Variants in SHANK1 observed in about 807,000 individuals in gnomAD.
The protein encoded by SHANK1 is SH3 and multiple ankyrin repeat domains 1.
In SHANK1, 35 loss-of-function variants were observed where a neutral mutation model predicts 165.6. The ratio of observed to expected loss-of-function variants is 0.21; its 90% CI spans 0.16 to 0.28. SHANK1 has a LOEUF of 0.28. SHANK1 is among the 10% of genes least tolerant of loss of function. The pLI, the probability that SHANK1 is intolerant of heterozygous loss-of-function variation, is 1.00. For synonymous variants in SHANK1, 1,428 were observed against 1,384.8 expected (o/e 1.03, Z -0.69); for missense variants, 2,681 against 3,036.4 (o/e 0.88, Z 2.75).
chr19:50,661,722 C>G lies in SHANK1; in HGVS notation c.*243G>C. 1 of 502,292 alleles carries G rather than the reference C, an allele frequency of 2.0e-6. No individual in the cohort carries two copies. The highest frequency in any genetic ancestry group is 3.1e-5 in the East Asian group (1 of 32,018). 31.1% of individuals were successfully genotyped at this position (502,292 alleles called of 1,614,324 possible). On this transcript the variant is annotated 3_prime_UTR_variant, in exon 24 of 24. Coordinates refer to ENST00000293441, the MANE Select transcript of SHANK1 (RefSeq NM_016148.5). Reference sequence around the variant, plus strand: ...TTCCCCTCTGTAATTTCTCCTATCCCCCCTCCGCTCCCCGCTTCACACACA... The same window carrying G: ...TTCCCCTCTGTAATTTCTCCTATCCGCCCTCCGCTCCCCGCTTCACACACA...
chr19:50,688,064 GCA>G lies in SHANK1; in HGVS notation c.2173-8_2173-7del. On this transcript the variant is annotated splice_polypyrimidine_tract_variant and splice_region_variant and intron_variant, in intron 17 of 23. Coordinates refer to ENST00000293441, the MANE Select transcript of SHANK1 (RefSeq NM_016148.5). The surrounding 1 kb of genome is among the most constrained non-coding windows in gnomAD (Gnocchi z 6.7). ...ACCACATTCTGCCCGTTCACCTGTG[GCA>G]CAGACACCCCCAGATCACACAGAGT... is the stretch of plus-strand genomic sequence containing the variant. The G allele has an allele frequency of 6.2e-7, 1 of 1,613,906 alleles. No individual in the cohort carries two copies. The highest frequency in any genetic ancestry group is 8.5e-7 in the Non-Finnish European group (1 of 1,179,968).
At chr19:50,669,488 A>T (rs1985711483) in intron 22 of SHANK1, among the ~76,000 whole-genome samples, 1 of 152,132 alleles carries the variant, frequency 6.6e-6, no homozygotes, top group Non-Finnish European at 1.5e-5. Flanking sequence ...TGCACTGCAC[A>T]ACTGCAAACC....
At position 50,708,526 on chromosome 19, in the gene SHANK1, T is replaced by A. The variant is rs866514567; in HGVS notation, c.1077+2845A>T. On this transcript the variant is annotated intron_variant, in intron 8 of 23. Transcript: ENST00000293441. Reference sequence around the variant, plus strand: ...CCCTCGCCCTCCCCAGGCCAGATGCTGTGTCTGATTCATCTCACATCCCCA... The same window carrying A: ...CCCTCGCCCTCCCCAGGCCAGATGCAGTGTCTGATTCATCTCACATCCCCA... Among the ~76,000 whole-genome samples the A allele has an allele frequency of 6.3e-5, 8 of 126,880 alleles. No homozygotes were observed. The Admixed American group carries it at 7.3e-4, about 12-fold the overall frequency. The allele number at this position is 126,880 out of a possible 152,430, so 83.2% of individuals were successfully genotyped here. A position where few individuals can be genotyped will look rare whatever the true frequency, so the allele number is the denominator to read the frequency against.
At chr19:50,672,445 G>A (rs2123095700) in intron 21 of SHANK1, among the ~76,000 whole-genome samples, 1 of 151,618 alleles carries the variant, frequency 6.6e-6, no homozygotes, top group South Asian at 2.1e-4. Context: ...CTACTCGGGA[G>A]GCTGAGGCTT....
rs964132954 is a variant in SHANK1 at position 50,719,630 on chromosome 19, C to T, written c.-268G>A. 6.7e-6 allele frequency among the ~76,000 whole-genome samples: 1 copy of T among 149,290 alleles called. No individual in the cohort carries two copies. Among genetic ancestry groups the T allele is most frequent in the East Asian group, 2.0e-4 (1 of 4,972 alleles). ...GCCTGGCCATCCGCAGAGCGCCCCC[C>T]CTTCCGCCGCGGCCGCCGCGCCCCT... is the stretch of plus-strand genomic sequence containing the variant. On this transcript the variant is annotated 5_prime_UTR_variant, in exon 1 of 24. Coordinates refer to ENST00000293441, the MANE Select transcript of SHANK1 (RefSeq NM_016148.5).
intron 15 of SHANK1, 37 bp from the exon 16 acceptor site, chr19:50,689,316 G>C (rs1329718892): frequency 4.1e-6 from 6 of 1,449,160 alleles, no homozygotes; most frequent in Non-Finnish European, 5.8e-6. Flanking sequence ...GGGTGGTGGG[G>C]GGAGTGGAGA....
rs1167816527 is a variant in SHANK1, at chr19:50,666,213, G to A, written c.5747C>T (p.Thr1916Ile). 1.2e-6 allele frequency: 2 copies of A among 1,603,142 alleles called. No homozygotes were observed. The highest frequency in any genetic ancestry group is 1.1e-5 in the South Asian group (1 of 89,074). ...TTACCTCTGCCGCTGCAGGGAGGAG[G>A]TCCTCTCGGGGACATAGCTGGCTCC... ...HGGASYVPER[T>I]SSLQRQRLSD... Residue 1916 changes from threonine to isoleucine, a missense_variant, in exon 23 of 24, where the codon ACC (threonine) becomes ATC (isoleucine). Transcript: ENST00000293441.
chr19:50,708,318 C>T (rs2088969420), intron 8 of SHANK1, among the ~76,000 whole-genome samples: 1 of 152,164 alleles, frequency 6.6e-6, no homozygotes. Flanking sequence ...AGGTCACCTG[C>T]TCCTCATCCT....
At chr19:50,680,216 G>A (rs921010929) in intron 21 of SHANK1, among the ~76,000 whole-genome samples, 1 of 152,070 alleles carries the variant, frequency 6.6e-6, no homozygotes, top group Non-Finnish European at 1.5e-5. Flanking sequence ...CTAGAAGGGG[G>A]AGAGACAAGG....
At chr19:50,699,270 T>C (rs896742439) in intron 12 of SHANK1, among the ~76,000 whole-genome samples, 1 of 152,232 alleles carries the variant, frequency 6.6e-6, no homozygotes, top group Admixed American at 6.5e-5. Context: ...GTGCCAGTCA[T>C]GAGTCAGGTA....
In SHANK1 at chr19:50,670,433, G is replaced by A. The variant is rs527698637; in HGVS notation, c.2675-1148C>T. On this transcript the variant is annotated intron_variant, in intron 22 of 23. Coordinates refer to ENST00000293441, the MANE Select transcript of SHANK1 (RefSeq NM_016148.5). This position sits in a 1 kb window ranked among gnomAD's most constrained non-coding sequence, Gnocchi z 4.1. Reference sequence around the variant, plus strand: ...GCTGTCACCTCCTCTTTGGTCCCCCGGCTTCCCAGCTCATCCCCTTCAATC... The same window carrying A: ...GCTGTCACCTCCTCTTTGGTCCCCCAGCTTCCCAGCTCATCCCCTTCAATC... 3.3e-5 allele frequency among the ~76,000 whole-genome samples: 5 copies of A among 152,220 alleles called. No individual in the cohort carries two copies. The East Asian group carries it at 7.7e-4, about 24-fold the overall frequency.
At position 50,668,537 on chromosome 19, in the gene SHANK1, C is replaced by A. The variant is rs568941289; in HGVS notation, c.3423G>T (p.Pro1141=). ...SPTSPASPQP[P]PAVAAPSEKN... Reference sequence around the variant, plus strand: ...TCTCCGAGGGCGCGGCCACGGCGGGCGGCGGCTGCGGGGAGGCCGGGGACG... The same window carrying A: ...TCTCCGAGGGCGCGGCCACGGCGGGAGGCGGCTGCGGGGAGGCCGGGGACG... The change falls in exon 23 of 24, where the codon CCG becomes CCT. Residue 1141 remains proline (P), a synonymous_variant. Transcript: ENST00000293441. 7.4e-7 allele frequency: 1 copy of A among 1,352,064 alleles called. No individual in the cohort carries two copies. The allele number at this position is 1,352,064 out of a possible 1,614,324, so 83.8% of individuals were successfully genotyped here. A position where few individuals can be genotyped will look rare whatever the true frequency, so the allele number is the denominator to read the frequency against.
At chr19:50,663,938 CTCTT>C (rs1985375752) in intron 23 of SHANK1, among the ~76,000 whole-genome samples, 1 of 37,064 alleles carries the variant, frequency 2.7e-5, no homozygotes, top group Admixed American at 2.5e-4. Context: ...CTCTCTCTCT[CTCTT>C]TTTTTTTTTT....
chr19:50,693,735 T>G (rs943666786), intron 15 of SHANK1, among the ~76,000 whole-genome samples: 3 of 151,986 alleles, frequency 2.0e-5, no homozygotes, highest in Non-Finnish European at 4.4e-5. Flanking sequence ...CCCCTCCCCA[T>G]GCTGAGAAGT....
chr19:50,686,485 G>T lies in SHANK1; in HGVS notation c.2459-130C>A. ...GGATCAACCAGGAAAGGGCAGCCCT[G>T]CCTGGGTCCGGGTGGACGGGCAGTC... On this transcript the variant is annotated intron_variant, in intron 20 of 23. Transcript: ENST00000293441. This position sits in a 1 kb window ranked among gnomAD's most constrained non-coding sequence, Gnocchi z 5.7. The T allele has an allele frequency of 1.0e-5, 8 of 772,140 alleles. No individual in the cohort carries two copies. The South Asian group carries it at 1.2e-4, about 12-fold the overall frequency. 47.8% of individuals were successfully genotyped at this position (772,140 alleles called of 1,614,324 possible). A position where few individuals can be genotyped will look rare whatever the true frequency, so the allele number is the denominator to read the frequency against.
chr19:50,687,945 C>T lies in SHANK1; in HGVS notation c.2286G>A (p.Met762Ile). Residue 762 changes from methionine to isoleucine, a missense_variant, in exon 18 of 24, where the codon ATG (methionine) becomes ATA (isoleucine). Physicochemically the swap from Met to Ile is conservative, Grantham distance 10. Around this residue, in one of 10 missense-constraint regions of SHANK1, gnomAD observed 206 missense variants for 216.0 expected, o/e 0.95. Transcript: ENST00000293441. ...KVVMVTRHPD[M>I]DEAVHKKAPQ... is the part of the protein sequence containing the mutation. ...CACCTTTCTTGTGCACTGCCTCATC[C>T]ATGTCCGGGTGCCTGGTGACCATCA... 6.2e-7 allele frequency: 1 copy of T among 1,614,078 alleles called. No homozygotes were observed.
chr19:50,686,579 C>A lies in SHANK1; in HGVS notation c.2458+165G>T, dbSNP rs1237630424. Among the ~76,000 whole-genome samples the A allele has an allele frequency of 7.0e-6, 1 of 143,670 alleles. No homozygotes were observed. Among genetic ancestry groups the A allele is most frequent in the African/African-American group, 2.5e-5 (1 of 39,830 alleles). The allele number at this position is 143,670 out of a possible 152,430, so 94.3% of individuals were successfully genotyped here. On this transcript the variant is annotated intron_variant, in intron 20 of 23. Transcript: ENST00000293441. This position sits in a 1 kb window ranked among gnomAD's most constrained non-coding sequence, Gnocchi z 5.7. The stretch of plus-strand genomic sequence containing the variant: ...GGTGGGAAGGGGTGCGGGCAGGGAA[C>A]GGGGCAGCCGTCGGGAGAGGGCGGG...
chr19:50,718,530 C>G lies in SHANK1; in HGVS notation c.-44+876G>C, dbSNP rs901112228. On this transcript the variant is annotated intron_variant, in intron 1 of 23. Transcript: ENST00000293441. This position sits in a 1 kb window ranked among gnomAD's most constrained non-coding sequence, Gnocchi z 5.1. Reference sequence around the variant, plus strand: ...CCCCCTCAGGGCTCGCGGGAGGGAGCGGGCACGCTCCGCCGGGGCGGCATG... The same window carrying G: ...CCCCCTCAGGGCTCGCGGGAGGGAGGGGGCACGCTCCGCCGGGGCGGCATG... Among the ~76,000 whole-genome samples the G allele has an allele frequency of 6.6e-6, 1 of 152,238 alleles. No individual in the cohort carries two copies. The highest frequency in any genetic ancestry group is 2.1e-4 in the South Asian group (1 of 4,826).
chr19:50,694,893 G>A (rs1392951911), intron 15 of SHANK1, among the ~76,000 whole-genome samples: 1 of 150,690 alleles, frequency 6.6e-6, no homozygotes, highest in Non-Finnish European at 1.5e-5. Context: ...GAGGCGGCGC[G>A]CTCCGTTACC....
Sources: allele counts gnomAD v4.1 joint callset (sites outside exome capture counted in the v4.1 genomes callset), GRCh38; gene constraint gnomAD v4.1.1; regional missense constraint gnomAD v4.1.1; non-coding constraint Gnocchi (gnomAD v3.1); transcripts MANE v1.5; gene names NCBI Gene and HGNC (gene_info 2026-07-23, HGNC 2026-07-21).